ZC3H12B: variants seen among roughly 807,000 people sequenced by gnomAD.
ZC3H12B encodes the protein zinc finger CCCH-type containing 12B.
In ZC3H12B, 7 loss-of-function variants were observed where a neutral mutation model predicts 43.9. The observed-to-expected ratio is 0.16, with a 90% CI of 0.09 to 0.30. ZC3H12B has a LOEUF of 0.30. Ranked by LOEUF, ZC3H12B falls within the 10% of genes least tolerant of loss-of-function variation. The pLI, the probability that ZC3H12B is intolerant of heterozygous loss-of-function variation, is 1.00. For synonymous variants in ZC3H12B, 222 were observed against 241.7 expected (o/e 0.92, Z 0.76); for missense variants, 475 against 670.2 (o/e 0.71, Z 3.22).
At chrX:65,178,179 A>C in the ZC3H12B span, among the ~76,000 whole-genome samples, 1 of 112,501 alleles carries the variant, frequency 8.9e-6, no homozygotes, top group Non-Finnish European at 1.9e-5. Flanking sequence ...TCCCTATTTA[A>C]TAAACAGTGT....
intron 2 of ZC3H12B, among the ~76,000 whole-genome samples, chrX:65,381,547 G>C: frequency 9.0e-6 from 1 of 111,114 alleles, no homozygotes; most frequent in Non-Finnish European, 1.9e-5. Flanking sequence ...AAAAGAACTA[G>C]AAAAGCAAGA....
At chrX:65,438,663 C>A (rs773085929) in intron 3 of ZC3H12B, among the ~76,000 whole-genome samples, 2 of 113,141 alleles carry the variant, frequency 1.8e-5, no homozygotes, top group Admixed American at 1.9e-4. Flanking sequence ...CTAAAAGTAT[C>A]CCTTAAGGGA....
At chrX:65,226,959 A>G in the ZC3H12B span, among the ~76,000 whole-genome samples, 2 of 111,151 alleles carry the variant, frequency 1.8e-5, no homozygotes, top group Non-Finnish European at 3.8e-5. Context: ...CACTCTCAAC[A>G]TTACACAGAT....
At chrX:65,349,813 A>G in the ZC3H12B span, among the ~76,000 whole-genome samples, 1 of 112,091 alleles carries the variant, frequency 8.9e-6, no homozygotes, top group African/African-American at 3.2e-5. Context: ...GAAGAAGTTG[A>G]ATTCCTGAAT....
chrX:65,144,683 C>G, the ZC3H12B span, among the ~76,000 whole-genome samples: 6 of 111,433 alleles, frequency 5.4e-5, no homozygotes, highest in African/African-American at 2.0e-4. Flanking sequence ...TATGGTCATT[C>G]AGTTGAAGAA....
At chrX:65,395,059 C>T (rs374216290) in intron 2 of ZC3H12B, among the ~76,000 whole-genome samples, 4 of 111,762 alleles carry the variant, frequency 3.6e-5, no homozygotes, top group African/African-American at 1.3e-4. Flanking sequence ...ATTGAATTTC[C>T]TTCCTGTGAC....
chrX:65,199,947 T>G, the ZC3H12B span, among the ~76,000 whole-genome samples: 1 of 110,839 alleles, frequency 9.0e-6, no homozygotes. Flanking sequence ...GTGATTTATA[T>G]TTCTCTGGGT....
the ZC3H12B span, among the ~76,000 whole-genome samples, chrX:65,190,517 C>T: frequency 9.3e-6 from 1 of 108,062 alleles, no homozygotes; most frequent in Non-Finnish European, 1.9e-5. Flanking sequence ...CCTTCACATC[C>T]CTTGTAAGTT....
At chrX:65,473,505 C>T (rs1178815407) in intron 3 of ZC3H12B, among the ~76,000 whole-genome samples, 1 of 112,035 alleles carries the variant, frequency 8.9e-6, no homozygotes, top group African/African-American at 3.2e-5. Flanking sequence ...GTAGTATGGA[C>T]ATTTTAACAT....
chrX:65,415,095 T>A (rs1431142507), intron 3 of ZC3H12B, among the ~76,000 whole-genome samples: 2 of 112,416 alleles, frequency 1.8e-5, no homozygotes, highest in African/African-American at 6.5e-5. Flanking sequence ...TAACTTGAAG[T>A]GGGAGCTTTC....
chrX:65,127,056 T>TG, the ZC3H12B span, among the ~76,000 whole-genome samples: 4 of 110,798 alleles, frequency 3.6e-5, no homozygotes, highest in Non-Finnish European at 7.6e-5. Context: ...TATGATCTTT[T>TG]GGGGATGTTA....
At chrX:65,312,777 G>A in the ZC3H12B span, among the ~76,000 whole-genome samples, 1 of 111,723 alleles carries the variant, frequency 9.0e-6, no homozygotes, top group Non-Finnish European at 1.9e-5. Flanking sequence ...CAGCTCTCTG[G>A]GACATCTATT....
intron 3 of ZC3H12B, among the ~76,000 whole-genome samples, chrX:65,403,420 T>TTC (rs1247045149): frequency 9.0e-6 from 1 of 111,558 alleles, no homozygotes; most frequent in Non-Finnish European, 1.9e-5. Context: ...TTCAACAGGA[T>TTC]AATAAAAGAG....
chrX:65,310,572 C>A, the ZC3H12B span, among the ~76,000 whole-genome samples: 4 of 111,808 alleles, frequency 3.6e-5, no homozygotes, highest in East Asian at 1.1e-3. Flanking sequence ...CCATACTGCC[C>A]AAGGTGATTT....
the ZC3H12B span, among the ~76,000 whole-genome samples, chrX:65,055,900 G>A: frequency 3.6e-5 from 4 of 111,766 alleles, no homozygotes; most frequent in South Asian, 7.6e-4. Context: ...ATTCTCTGAT[G>A]GTAGTTTGTA....
At chrX:65,286,149 C>G in the ZC3H12B span, among the ~76,000 whole-genome samples, 1 of 111,744 alleles carries the variant, frequency 8.9e-6, no homozygotes, top group African/African-American at 3.3e-5. Context: ...ATAGCAAAGA[C>G]ATGGAATCAA....
At chrX:65,094,829 C>T in the ZC3H12B span, among the ~76,000 whole-genome samples, 2 of 112,176 alleles carry the variant, frequency 1.8e-5, no homozygotes, top group African/African-American at 6.5e-5. Context: ...ATGTCTGCAG[C>T]ATGAAGACAT....
At chrX:65,051,380 T>G in the ZC3H12B span, among the ~76,000 whole-genome samples, 4 of 111,698 alleles carry the variant, frequency 3.6e-5, no homozygotes, top group African/African-American at 1.3e-4. Context: ...TCTGCTCACT[T>G]TAGTCTCAGT....
the ZC3H12B span, among the ~76,000 whole-genome samples, chrX:65,206,702 A>G: frequency 1.8e-5 from 2 of 111,988 alleles, no homozygotes; most frequent in African/African-American, 6.5e-5. Context: ...AGCAACAGAA[A>G]CAATCAGCAG....
Sources: gnomAD v4.1 joint callset for allele counts (sites outside exome capture counted in the v4.1 genomes callset) on GRCh38, gnomAD v4.1.1 for gene constraint, MANE v1.5 for transcripts, NCBI Gene and HGNC (gene_info 2026-07-23, HGNC 2026-07-21) for gene names.